The following CENPS variants were observed in gnomAD, a reference collection of about 807,000 sequenced individuals.
The protein encoded by CENPS is centromere protein S.
In CENPS, 16 loss-of-function variants were observed where a neutral mutation model predicts 17.9. The observed-to-expected ratio is 0.90, with a 90% CI of 0.61 to 1.36. The LOEUF (loss-of-function observed/expected upper bound fraction) is 1.36, where lower values mean the gene tolerates loss of function less well. CENPS is among the 40% of genes most tolerant of loss of function. The pLI is 0.00. For missense variants in CENPS, 160 were observed against 158.6 expected (o/e 1.01, Z -0.05); for synonymous variants, 49 against 55.8 (o/e 0.88, Z 0.54).
rs1298668980 is a variant in CENPS at position 10,442,304 on chromosome 1, A to T, written c.316A>T (p.Ile106Phe). The T allele has an allele frequency of 6.2e-7, 1 of 1,603,124 alleles. No homozygotes were observed. The highest frequency in any genetic ancestry group is 1.1e-5 in the South Asian group (1 of 89,186). The stretch of plus-strand genomic sequence containing the variant: ...AGACAAAAGTGAAGAGATTGCTCAG[A>T]TTAACCTAGAACGAAAAGCACAGAA... ...ITDKSEEIAQ[I>F]NLERKAQKKK... The change falls in exon 5 of 5, where the codon ATT becomes TTT. Residue 106 changes from isoleucine to phenylalanine, a missense_variant. By Grantham distance (21) the Ile-to-Phe change is conservative (BLOSUM62 0). Transcript: ENST00000309048.
At position 10,442,516 on chromosome 1, in the gene CENPS, T is replaced by TAA. The variant is rs1640460682; in HGVS notation, c.*115_*116dup. The TAA allele has an allele frequency of 7.4e-7, 1 of 1,358,878 alleles. No individual in the cohort carries two copies. 84.2% of individuals were successfully genotyped at this position (1,358,878 alleles called of 1,614,324 possible). Reference sequence around the variant, plus strand: ...TAAATAGAGATTTAAAAAAATAAAATAAAAAGGCTGGGCTAGGGTGCTTTT... The same window carrying TAA: ...TAAATAGAGATTTAAAAAAATAAAATAAAAAAAGGCTGGGCTAGGGTGCTTTT... On this transcript the variant is annotated 3_prime_UTR_variant, in exon 5 of 5. Transcript: ENST00000309048.
chr1:10,437,475 T>TTTTTGTTTTG (rs71583869), intron 3 of CENPS, among the ~76,000 whole-genome samples: 67,974 of 145,622 alleles, frequency 0.47, 15,592 homozygotes, highest in South Asian at 0.57. Context: ...TTTTTGTTTT[T>TTTTTGTTTTG]AGATGGAGTC....
At chr1:10,436,732 G>GAAAAAA (rs111588673) in intron 3 of CENPS, among the ~76,000 whole-genome samples, 2 of 140,750 alleles carry the variant, frequency 1.4e-5, no homozygotes, top group African/African-American at 2.7e-5. Context: ...GAAAAGAAAA[G>GAAAAAA]AAAAAAAAAA....
intron 3 of CENPS, among the ~76,000 whole-genome samples, chr1:10,439,919 G>T (rs183950538): frequency 6.6e-6 from 1 of 152,088 alleles, no homozygotes; most frequent in Non-Finnish European, 1.5e-5. Flanking sequence ...CTTTGTGGAG[G>T]TTCTCTTTGT....
rs1640035662 is a variant in CENPS, at chr1:10,433,921, A to G, written c.131A>G (p.Lys44Arg). The change falls in exon 2 of 5, where the codon AAA (lysine) becomes AGA (arginine). Residue 44 changes from lysine (K) to arginine (R), a missense_variant. Physicochemically the swap from Lys to Arg is conservative, Grantham distance 26. Coordinates refer to ENST00000309048, the MANE Select transcript of CENPS (RefSeq NM_199294.3). ...TTGGACAAAGAGATGCAGTTCAGCA[A>G]ACAGACCATTGCGGCCATTTCGGAG... ...VALDKEMQFS[K>R]QTIAAISELT... is the part of the protein sequence containing the mutation. The G allele has an allele frequency of 1.9e-6, 3 of 1,614,212 alleles. No individual in the cohort carries two copies. The highest frequency in any genetic ancestry group is 1.7e-6 in the Non-Finnish European group (2 of 1,180,042).
intron 4 of CENPS, among the ~76,000 whole-genome samples, chr1:10,441,718 T>C (rs1484421647): frequency 1.4e-5 from 2 of 144,134 alleles, no homozygotes; most frequent in Non-Finnish European, 3.0e-5. Context: ...CTCCGCCTCC[T>C]GGGTTCATGC....
intron 3 of CENPS, among the ~76,000 whole-genome samples, chr1:10,437,608 C>T (rs1557777659): frequency 6.6e-6 from 1 of 151,834 alleles, no homozygotes; most frequent in African/African-American, 2.4e-5. Context: ...AGGCGCCTGC[C>T]ACTATGCCCA....
chr1:10,434,738 G>A, intron 3 of CENPS, 48 bp downstream of exon 3: 1 of 1,555,602 alleles, frequency 6.4e-7, no homozygotes, highest in East Asian at 2.4e-5. Context: ...GTAGCTTTTT[G>A]GGGCCTCTCC....
At chr1:10,437,475 T>TTTTTTGTTTTG (rs71583869) in intron 3 of CENPS, among the ~76,000 whole-genome samples, 51 of 146,062 alleles carry the variant, frequency 3.5e-4, no homozygotes, top group African/African-American at 1.1e-3. Flanking sequence ...TTTTTGTTTT[T>TTTTTTGTTTTG]AGATGGAGTC....
intron 1 of CENPS, chr1:10,431,056 A>G (rs1434007537): frequency 1.5e-6 from 2 of 1,359,802 alleles, no homozygotes; most frequent in African/African-American, 1.5e-5. Context: ...TGTGGGTTCG[A>G]ATCTCTGCCC....
chr1:10,431,375 A>G (rs1639905803), intron 1 of CENPS: 4 of 1,535,210 alleles, frequency 2.6e-6, no homozygotes, highest in Non-Finnish European at 3.5e-6. Flanking sequence ...GAGAAGTTCA[A>G]ACCTTCAGAA....
intron 3 of CENPS, 36 bp downstream of exon 3, chr1:10,434,726 G>C (rs746342273): frequency 1.3e-6 from 2 of 1,567,842 alleles, no homozygotes; most frequent in Admixed American, 4.1e-5. Context: ...CACTGCGTCT[G>C]TGTAGCTTTT....
intron 4 of CENPS, among the ~76,000 whole-genome samples, chr1:10,441,310 C>T (rs1432141694): frequency 2.9e-5 from 4 of 137,816 alleles, no homozygotes; most frequent in Admixed American, 1.5e-4. Context: ...GCATGTGCCA[C>T]AACTTTTTTT....
intron 1 of CENPS, chr1:10,430,947 G>A (rs1639880429): frequency 1.6e-6 from 2 of 1,245,364 alleles, no homozygotes; most frequent in Non-Finnish European, 2.0e-6. Flanking sequence ...TGGGCGGTTC[G>A]GGCCGGAGCT....
rs1640461035 is a variant in CENPS at position 10,442,523 on chromosome 1, G to GC, written c.*119dup. On this transcript the variant is annotated 3_prime_UTR_variant, in exon 5 of 5. Coordinates refer to ENST00000309048, the MANE Select transcript of CENPS (RefSeq NM_199294.3). ...AGATTTAAAAAAATAAAATAAAAAG[G>GC]CTGGGCTAGGGTGCTTTTTGTGCTG... The GC allele has an allele frequency of 7.4e-7, 1 of 1,349,318 alleles. No homozygotes were observed. 83.6% of individuals were successfully genotyped at this position (1,349,318 alleles called of 1,614,324 possible). A position where few individuals can be genotyped will look rare whatever the true frequency, so the allele number is the denominator to read the frequency against.
rs60102421 is a variant in CENPS at position 10,442,249 on chromosome 1, G to T, written c.277-16G>T. The T allele has an allele frequency of 0.012, 17,442 of 1,464,924 alleles. 542 individuals are homozygous for T. Among genetic ancestry groups the T allele is most frequent in the East Asian group, 0.12 (4,738 of 40,528 alleles). The allele number at this position is 1,464,924 out of a possible 1,614,324, so 90.7% of individuals were successfully genotyped here. A position where few individuals can be genotyped will look rare whatever the true frequency, so the allele number is the denominator to read the frequency against. On this transcript the variant is annotated splice_polypyrimidine_tract_variant and intron_variant, in intron 4 of 4. Coordinates refer to ENST00000309048, the MANE Select transcript of CENPS (RefSeq NM_199294.3). ...ATGGTTACAGCCAGATATAAATACA[G>T]ATTTTTTTTTTATAGCTAAAATACA...
At chr1:10,431,222 C>T in intron 1 of CENPS, 1 of 1,525,700 alleles carries the variant, frequency 6.6e-7, no homozygotes, top group Non-Finnish European at 8.8e-7. Flanking sequence ...AGAACGTTGC[C>T]GTGAAGAGGC....
At chr1:10,430,765 C>T in intron 1 of CENPS, 197 bp downstream of exon 1, 1 of 1,393,922 alleles carries the variant, frequency 7.2e-7, no homozygotes, top group Non-Finnish European at 9.3e-7. Flanking sequence ...TGGACCCTGG[C>T]CTGCGCTGGC....
At chr1:10,438,068 T>A (rs553211941) in intron 3 of CENPS, among the ~76,000 whole-genome samples, 2 of 152,136 alleles carry the variant, frequency 1.3e-5, no homozygotes, top group Non-Finnish European at 2.9e-5. Flanking sequence ...GGCCAGAGAA[T>A]ACACAATTAA....
Sources: gnomAD v4.1 joint callset for allele counts (sites outside exome capture counted in the v4.1 genomes callset) on GRCh38, gnomAD v4.1.1 for gene constraint, MANE v1.5 for transcripts, NCBI Gene and HGNC (gene_info 2026-07-23, HGNC 2026-07-21) for gene names.